Variants in ALK observed in about 807,000 individuals in gnomAD.
ALK encodes ALK receptor tyrosine kinase, also known as ALK tyrosine kinase receptor.
A neutral mutation model predicts 163.1 loss-of-function variants in ALK; 74 were observed. That is an observed-to-expected ratio of 0.45 (90% CI 0.38 to 0.55). The LOEUF is 0.55. Ranked by LOEUF, ALK falls within the 20% of genes least tolerant of loss-of-function variation. The pLI is 0.00. For missense variants in ALK, 2,063 were observed against 2,105.3 expected (o/e 0.98, Z 0.39); for synonymous variants, 960 against 843.2 (o/e 1.14, Z -2.40).
chr2:29,220,658 C>T, intron 23 of ALK, 48 bp downstream of exon 23: 1 of 1,612,000 alleles, frequency 6.2e-7, no homozygotes, highest in Non-Finnish European at 8.5e-7. Flanking sequence ...TCCATCCTTG[C>T]TCCTGTCCTT....
chr2:29,529,805 A>G (rs1673068950), intron 4 of ALK, among the ~76,000 whole-genome samples: 1 of 152,172 alleles, frequency 6.6e-6, no homozygotes, highest in African/African-American at 2.4e-5. Flanking sequence ...GCCCCAGACA[A>G]AGCCATCAAG....
chr2:29,220,903 G>A (rs1669784906), intron 22 of ALK, 68 bp from the exon 23 acceptor site: 2 of 1,601,502 alleles, frequency 1.2e-6, no homozygotes, highest in South Asian at 2.2e-5. Flanking sequence ...AAACTGGGAG[G>A]AACAGGATAC....
chr2:29,920,889 C>T lies in ALK; in HGVS notation c.-230G>A. On this transcript the variant is annotated 5_prime_UTR_variant, in exon 1 of 29. Transcript: ENST00000389048. ...GCTCAGGGGCGAGTCCAGAGACACTCAAGCACACTGGGCTCACTGGCTGGG... is the reference window on the plus strand; with the variant it reads ...GCTCAGGGGCGAGTCCAGAGACACTTAAGCACACTGGGCTCACTGGCTGGG... 1.7e-6 allele frequency: 1 copy of T among 577,338 alleles called. No homozygotes were observed. The highest frequency in any genetic ancestry group is 2.9e-5 in the East Asian group (1 of 34,590). 35.8% of individuals were successfully genotyped at this position (577,338 alleles called of 1,614,324 possible). A position where few individuals can be genotyped will look rare whatever the true frequency, so the allele number is the denominator to read the frequency against.
At chr2:29,828,787 C>G (rs551969300) in intron 1 of ALK, among the ~76,000 whole-genome samples, 5,697 of 151,892 alleles carry the variant, frequency 0.038, 131 homozygotes, top group Middle Eastern at 0.078. Flanking sequence ...ACTAGAAATA[C>G]CATTTGACCC....
chr2:29,538,136 G>A (rs188616392), intron 3 of ALK, among the ~76,000 whole-genome samples: 29 of 152,296 alleles, frequency 1.9e-4, no homozygotes, highest in Admixed American at 1.2e-3. Context: ...TAATACTTTT[G>A]AGGAACTATT....
At chr2:29,616,898 G>A (rs1236910060) in intron 3 of ALK, among the ~76,000 whole-genome samples, 3 of 152,172 alleles carry the variant, frequency 2.0e-5, no homozygotes, top group Admixed American at 1.3e-4. Flanking sequence ...CTGCCCCAAA[G>A]TGAACATGGG....
At chr2:29,769,667 C>A (rs1382613515) in intron 1 of ALK, among the ~76,000 whole-genome samples, 1 of 152,126 alleles carries the variant, frequency 6.6e-6, no homozygotes, top group East Asian at 1.9e-4. Flanking sequence ...CAGAGGTGTT[C>A]CCTCTTTAGA....
At chr2:29,890,864 A>G (rs547879627) in intron 1 of ALK, 23 of 152,156 alleles carry the variant, frequency 1.5e-4, no homozygotes, top group African/African-American at 5.6e-4. Context: ...GAAGCCCCCA[A>G]CTCATAGCTC....
intron 4 of ALK, among the ~76,000 whole-genome samples, chr2:29,453,602 T>C (rs972837733): frequency 6.6e-6 from 1 of 152,158 alleles, no homozygotes; most frequent in Non-Finnish European, 1.5e-5. Context: ...TTATCTGCCT[T>C]GTGCTAGAAC....
At chr2:29,750,139 G>A (rs769351917) in intron 1 of ALK, among the ~76,000 whole-genome samples, 2 of 152,228 alleles carry the variant, frequency 1.3e-5, no homozygotes, top group Non-Finnish European at 2.9e-5. Context: ...ATTGCTTAAC[G>A]ATGGGGATTT....
At chr2:29,525,191 T>C (rs370412227) in intron 4 of ALK, among the ~76,000 whole-genome samples, 9 of 152,314 alleles carry the variant, frequency 5.9e-5, no homozygotes, top group African/African-American at 2.2e-4. Flanking sequence ...TCAGGGACTA[T>C]GTAGGCAGGA....
At chr2:29,327,925 G>T (rs1025432284) in intron 6 of ALK, among the ~76,000 whole-genome samples, 11 of 152,240 alleles carry the variant, frequency 7.2e-5, no homozygotes, top group South Asian at 2.1e-4. Flanking sequence ...AGCCATGGAG[G>T]CATGAAGGAT....
chr2:29,512,433 G>A (rs887763201), intron 4 of ALK, among the ~76,000 whole-genome samples: 1 of 148,440 alleles, frequency 6.7e-6, no homozygotes. Context: ...AAAGGCCTTT[G>A]ACAAAATTCA....
intron 3 of ALK, among the ~76,000 whole-genome samples, chr2:29,691,101 G>T (rs1272643763): frequency 6.6e-6 from 1 of 152,158 alleles, no homozygotes; most frequent in Admixed American, 6.5e-5. Flanking sequence ...ATTACAATAG[G>T]CTGCTTCATG....
At chr2:29,641,964 C>CA (rs2148246300) in intron 3 of ALK, among the ~76,000 whole-genome samples, 1 of 152,268 alleles carries the variant, frequency 6.6e-6, no homozygotes, top group African/African-American at 2.4e-5. Flanking sequence ...GGAAACTTAT[C>CA]AAAAATTCAC....
At chr2:29,216,129 C>T (rs563779677) in intron 23 of ALK, among the ~76,000 whole-genome samples, 1 of 152,328 alleles carries the variant, frequency 6.6e-6, no homozygotes, top group African/African-American at 2.4e-5. Flanking sequence ...CCTGCATCAT[C>T]CCTCCTGCGG....
intron 1 of ALK, among the ~76,000 whole-genome samples, chr2:29,915,176 G>A (rs1667802219): frequency 6.6e-6 from 1 of 152,162 alleles, no homozygotes; most frequent in Non-Finnish European, 1.5e-5. Flanking sequence ...GACTTCTGCT[G>A]ATCAACTCTC....
intron 1 of ALK, among the ~76,000 whole-genome samples, chr2:29,913,981 T>C (rs1382184705): frequency 6.6e-6 from 1 of 151,812 alleles, no homozygotes; most frequent in Non-Finnish European, 1.5e-5. Flanking sequence ...TTAAGAAACG[T>C]CTGCCATCTG....
chr2:29,813,860 T>C (rs2148373345), intron 1 of ALK, among the ~76,000 whole-genome samples: 1 of 152,346 alleles, frequency 6.6e-6, no homozygotes, highest in South Asian at 2.1e-4. Flanking sequence ...ATCATTCATA[T>C]CCAGAATGAA....
Sources: allele counts gnomAD v4.1 joint callset (sites outside exome capture counted in the v4.1 genomes callset), GRCh38; gene constraint gnomAD v4.1.1; transcripts MANE v1.5; gene names NCBI Gene and HGNC (gene_info 2026-07-23, HGNC 2026-07-21).